The following NEK5 variants were observed in gnomAD, a reference collection of about 807,000 sequenced individuals.
The protein encoded by NEK5 is NIMA related kinase 5, also known as serine/threonine-protein kinase Nek5.
Under a neutral mutation model 109.2 loss-of-function variants are expected in NEK5, and 88 were observed. That is an observed-to-expected ratio of 0.81 (90% CI 0.68 to 0.96). NEK5 has a LOEUF of 0.96. Among genes scored for constraint, NEK5 ranks in the 40% least tolerant of loss-of-function variants. The probability of loss-of-function intolerance (pLI) is 0.00; values close to 1 mark genes in which losing one functional copy is unlikely to be tolerated. For synonymous variants in NEK5, 283 were observed against 299.9 expected (o/e 0.94, Z 0.58); for missense variants, 834 against 920.7 (o/e 0.91, Z 1.22).
At position 52,075,985 on chromosome 13, in the gene NEK5, A is replaced by G. The variant is rs79964007; in HGVS notation, c.1653+78T>C. 1.7e-3 allele frequency: 1,649 copies of G among 995,428 alleles called. 53 individuals are homozygous for G. The East Asian group carries it at 0.039, about 24-fold the overall frequency. 61.7% of individuals were successfully genotyped at this position (995,428 alleles called of 1,614,324 possible). ...TCTATAAAATACTAGGGGGAAAATC[A>G]TGCAGGCAACCGAGATCACAAGGTG... is the stretch of plus-strand genomic sequence containing the variant. On this transcript the variant is annotated intron_variant, in intron 18 of 23. Transcript: ENST00000684899.
chr13:52,083,474 C>T, intron 16 of NEK5, 122 bp from the exon 17 acceptor site: 1 of 633,950 alleles, frequency 1.6e-6, no homozygotes, highest in Non-Finnish European at 2.9e-6. Flanking sequence ...CTCCTTTTCC[C>T]CGCCACAGCT....
chr13:52,121,359 C>A (rs1056845464), intron 3 of NEK5, among the ~76,000 whole-genome samples: 6 of 151,926 alleles, frequency 3.9e-5, no homozygotes, highest in Non-Finnish European at 8.8e-5. Flanking sequence ...GGGGTCTCAC[C>A]ATGTTGCCCA....
At chr13:52,063,624 T>A (rs1387621041) in intron 21 of NEK5, among the ~76,000 whole-genome samples, 1 of 149,306 alleles carries the variant, frequency 6.7e-6, no homozygotes, top group Non-Finnish European at 1.5e-5. Flanking sequence ...ATCTAGGAAG[T>A]GAGGAGCATC....
chr13:52,057,255 T>C (rs1954565886), intron 22 of NEK5, among the ~76,000 whole-genome samples: 1 of 151,852 alleles, frequency 6.6e-6, no homozygotes, highest in Non-Finnish European at 1.5e-5. Context: ...CAGGAAGAAG[T>C]TGAATCTCTG....
intron 3 of NEK5, among the ~76,000 whole-genome samples, chr13:52,123,566 C>T (rs1956009608): frequency 1.3e-5 from 2 of 152,162 alleles, no homozygotes; most frequent in Admixed American, 1.3e-4. Context: ...TCCAGTGAAT[C>T]ATCTATCCAA....
chr13:52,063,777 T>C (rs1954637073), intron 21 of NEK5, among the ~76,000 whole-genome samples: 1 of 147,638 alleles, frequency 6.8e-6, no homozygotes, highest in Admixed American at 6.7e-5. Context: ...ATCTGAGAAG[T>C]GAGGAGACCC....
At chr13:52,064,351 G>A (rs1954650654) in intron 21 of NEK5, among the ~76,000 whole-genome samples, 1 of 138,232 alleles carries the variant, frequency 7.2e-6, no homozygotes, top group South Asian at 2.4e-4. Context: ...CAGGAGGGAG[G>A]TGGGGGGGTC....
chr13:52,125,186 G>A (rs1255788438), intron 3 of NEK5, among the ~76,000 whole-genome samples: 1 of 152,160 alleles, frequency 6.6e-6, no homozygotes, highest in Non-Finnish European at 1.5e-5. Context: ...CTAAATTCTT[G>A]ATGCACAGGA....
At chr13:52,091,762 G>A (rs976327331) in intron 13 of NEK5, among the ~76,000 whole-genome samples, 2 of 152,134 alleles carry the variant, frequency 1.3e-5, no homozygotes, top group Admixed American at 6.5e-5. Context: ...CAACATCAGT[G>A]TGAAAAAAAT....
chr13:52,069,622 A>C (rs2137785246), intron 20 of NEK5, among the ~76,000 whole-genome samples: 1 of 152,220 alleles, frequency 6.6e-6, no homozygotes, highest in Admixed American at 6.5e-5. Flanking sequence ...ATTACCCTCC[A>C]TGTGATGTAT....
chr13:52,087,423 TA>T lies in NEK5; in HGVS notation c.1306del (p.Tyr436ThrfsTer7). 6.2e-7 allele frequency: 1 copy of T among 1,610,358 alleles called. No homozygotes were observed. The highest frequency in any genetic ancestry group is 8.5e-7 in the Non-Finnish European group (1 of 1,177,132). On this transcript the variant is annotated frameshift_variant, in exon 15 of 24. Transcript: ENST00000684899. LOFTEE classifies it high-confidence loss of function. ...ACTTCTTAGCTCTTGTCTCTGGTTG[TA>T]ATTTGGCTCGGCAGAAGATGGACGA... ...GLRPSSAEPN[Y>X]NQRQELRSNG...
intron 12 of NEK5, among the ~76,000 whole-genome samples, chr13:52,097,864 T>C (rs1334191986): frequency 6.6e-6 from 1 of 152,162 alleles, no homozygotes; most frequent in Non-Finnish European, 1.5e-5. Context: ...TCATGTTGAA[T>C]TGTAATCCCT....
At chr13:52,128,158 G>A (rs1296671403) in intron 1 of NEK5, among the ~76,000 whole-genome samples, 2 of 152,030 alleles carry the variant, frequency 1.3e-5, no homozygotes, top group Non-Finnish European at 2.9e-5. Flanking sequence ...ATTTTACATC[G>A]AAATGCTAAG....
At chr13:52,113,006 C>T (rs1474615703) in intron 4 of NEK5, among the ~76,000 whole-genome samples, 2 of 152,028 alleles carry the variant, frequency 1.3e-5, no homozygotes, top group African/African-American at 4.8e-5. Flanking sequence ...TATGTTTACG[C>T]CATTTATTCT....
chr13:52,076,121 T>C lies in NEK5; in HGVS notation c.1595A>G (p.Gln532Arg). The change falls in exon 18 of 24, where the codon CAA (glutamine) becomes CGA (arginine). Residue 532 changes from glutamine to arginine, a missense_variant. Around this residue, in one of 2 missense-constraint regions of NEK5, gnomAD observed 777 missense variants for 824.7 expected, o/e 0.94. Transcript: ENST00000684899. ...PVQDIEKDLK[Q>R]MRLQNTKESK... is the part of the protein sequence containing the mutation. The stretch of plus-strand genomic sequence containing the variant: ...TTCCTTTGTGTTCTGAAGCCTCATT[T>C]GTTTCAAGTCTTTTTCAATGTCCTG... 2 of 1,597,638 alleles carry C rather than the reference T, an allele frequency of 1.3e-6. No homozygotes were observed. Among genetic ancestry groups the C allele is most frequent in the South Asian group, 2.2e-5 (2 of 89,362 alleles).
intron 17 of NEK5, among the ~76,000 whole-genome samples, chr13:52,076,384 T>C (rs1266630722): frequency 1.3e-5 from 2 of 152,174 alleles, no homozygotes; most frequent in Non-Finnish European, 2.9e-5. Flanking sequence ...TCCACTCCAG[T>C]CCAACCCAAT....
chr13:52,093,174 G>T lies in NEK5; in HGVS notation c.1088C>A (p.Ala363Asp). The change falls in exon 13 of 24, where the codon GCT (alanine) becomes GAT (aspartate). Residue 363 changes from alanine to aspartate, a missense_variant. Coordinates refer to ENST00000684899, the MANE Select transcript of NEK5 (RefSeq NM_001365552.1). ...AVCGHYDYYY[A>D]QLDMLRRRAH... ...TCTCCTCCTCAGCATATCAAGTTGA[G>T]CATAATAATAATCATAATGTCCACA... 6.2e-7 allele frequency: 1 copy of T among 1,613,416 alleles called. No individual in the cohort carries two copies. Among genetic ancestry groups the T allele is most frequent in the Non-Finnish European group, 8.5e-7 (1 of 1,179,404 alleles).
chr13:52,089,511 A>G (rs1199576741), intron 13 of NEK5, among the ~76,000 whole-genome samples, 198 bp from the exon 14 acceptor site: 3 of 152,198 alleles, frequency 2.0e-5, no homozygotes, highest in African/African-American at 7.2e-5. Flanking sequence ...AAAAGGATGA[A>G]GAGTAACAAG....
At chr13:52,080,543 A>G (rs1292475207) in intron 17 of NEK5, among the ~76,000 whole-genome samples, 1 of 152,244 alleles carries the variant, frequency 6.6e-6, no homozygotes, top group South Asian at 2.1e-4. Flanking sequence ...TTTGTTCTAT[A>G]GTAAGAAAAA....
Sources: gnomAD v4.1 joint callset for allele counts (sites outside exome capture counted in the v4.1 genomes callset) on GRCh38, gnomAD v4.1.1 for gene constraint, gnomAD v4.1.1 regional missense constraint, MANE v1.5 for transcripts, NCBI Gene and HGNC (gene_info 2026-07-23, HGNC 2026-07-21) for gene names.